RIPOR1: variants seen among roughly 807,000 people sequenced by gnomAD.
RIPOR1 encodes the protein rho family-interacting cell polarization regulator 1.
In RIPOR1, 58 loss-of-function variants were observed where a neutral mutation model predicts 116.5. The observed-to-expected ratio is 0.50, with a 90% CI of 0.40 to 0.62. RIPOR1 has a LOEUF of 0.62. Ranked by LOEUF, RIPOR1 falls within the 20% of genes least tolerant of loss-of-function variation. RIPOR1 has a pLI of 0.00. For missense variants in RIPOR1, 1,372 were observed against 1,586.2 expected (o/e 0.86, Z 2.29); for synonymous variants, 605 against 650.0 (o/e 0.93, Z 1.05).
upstream of RIPOR1, among the ~76,000 whole-genome samples, chr16:67,525,460 A>G (rs1379739110): frequency 6.6e-6 from 1 of 152,144 alleles, no homozygotes; most frequent in Non-Finnish European, 1.5e-5. Context: ...CTGTTCACAG[A>G]AAGCTGGGAT....
chr16:67,527,866 A>C (rs1288216086), upstream of RIPOR1, among the ~76,000 whole-genome samples: 1 of 151,650 alleles, frequency 6.6e-6, no homozygotes, highest in Non-Finnish European at 1.5e-5. Flanking sequence ...AAAAAAAAAA[A>C]AAAAACCCGA....
At chr16:67,533,357 T>G (rs1183890355) in intron 1 of RIPOR1, among the ~76,000 whole-genome samples, 3 of 151,892 alleles carry the variant, frequency 2.0e-5, no homozygotes, top group Non-Finnish European at 4.4e-5. Context: ...GCTGGCAACA[T>G]TTAGATGGCA....
intron 21 of RIPOR1, 23 bp downstream of exon 21, chr16:67,546,254 A>G (rs1415093831): frequency 1.2e-6 from 2 of 1,613,042 alleles, no homozygotes; most frequent in African/African-American, 2.7e-5. Context: ...GATGGAAGAG[A>G]TGGGTGGAGT....
At position 67,537,637 on chromosome 16, in the gene RIPOR1, C is replaced by A. The variant is rs1567566914; in HGVS notation, c.-23-787C>A. 1 of 1,324,504 alleles carries A rather than the reference C, an allele frequency of 7.5e-7. No homozygotes were observed. Among genetic ancestry groups the A allele is most frequent in the Non-Finnish European group, 9.8e-7 (1 of 1,019,446 alleles). The allele number at this position is 1,324,504 out of a possible 1,614,324, so 82.0% of individuals were successfully genotyped here. On this transcript the variant is annotated intron_variant, in intron 1 of 21. Coordinates refer to ENST00000042381, the MANE Select transcript of RIPOR1 (RefSeq NM_024519.4). The surrounding 1 kb of genome is among the most constrained non-coding windows in gnomAD (Gnocchi z 4.6). ...GGGGCTGCGAAAGCTCAGGGACTGGCCCCAGGGGAAGCAGGCCGGGTTTGG... is the reference window on the plus strand; with the variant it reads ...GGGGCTGCGAAAGCTCAGGGACTGGACCCAGGGGAAGCAGGCCGGGTTTGG...
chr16:67,527,704 A>C (rs545029482), upstream of RIPOR1, among the ~76,000 whole-genome samples: 1 of 152,076 alleles, frequency 6.6e-6, no homozygotes, highest in African/African-American at 2.4e-5. Flanking sequence ...GTGAAACCCC[A>C]TCTCTACCAA....
rs2051168297 is a variant in RIPOR1 at position 67,546,361 on chromosome 16, T to C, written c.3563-5T>C. The C allele has an allele frequency of 1.1e-5, 18 of 1,613,630 alleles. No homozygotes were observed. The highest frequency in any genetic ancestry group is 1.4e-5 in the Non-Finnish European group (17 of 1,179,824). The stretch of plus-strand genomic sequence containing the variant: ...CACCCTTGACCTCATCCTCACTCAT[T>C]ACAGGAGAAGAGGGACAGTCTGCCC... On this transcript the variant is annotated splice_polypyrimidine_tract_variant and splice_region_variant and intron_variant, in intron 21 of 21. Coordinates refer to ENST00000042381, the MANE Select transcript of RIPOR1 (RefSeq NM_024519.4).
Position 67,544,179 on chromosome 16 carries a change from G to C in RIPOR1, c.2601-120G>C. 1 of 1,318,020 alleles carries C rather than the reference G, an allele frequency of 7.6e-7. No homozygotes were observed. The highest frequency in any genetic ancestry group is 1.5e-5 in the South Asian group (1 of 68,380). The allele number at this position is 1,318,020 out of a possible 1,614,324, so 81.6% of individuals were successfully genotyped here. ...AAATCCTCCATGAACTTACCCCACT[G>C]TCTGCTGTCGGTGCATCATCTTCTT... On this transcript the variant is annotated intron_variant, in intron 14 of 21. Coordinates refer to ENST00000042381, the MANE Select transcript of RIPOR1 (RefSeq NM_024519.4). This position sits in a 1 kb window ranked among gnomAD's most constrained non-coding sequence, Gnocchi z 5.1.
At chr16:67,533,241 A>G (rs1014606746) in intron 1 of RIPOR1, among the ~76,000 whole-genome samples, 1 of 152,202 alleles carries the variant, frequency 6.6e-6, no homozygotes, top group African/African-American at 2.4e-5. Context: ...CAAACCCAGC[A>G]TGCACTATGA....
chr16:67,538,977 C>T lies in RIPOR1; in HGVS notation c.258-13C>T, dbSNP rs749456061. The T allele has an allele frequency of 1.1e-5, 18 of 1,613,744 alleles. No individual in the cohort carries two copies. The highest frequency in any genetic ancestry group is 3.3e-5 in the Admixed American group (2 of 59,878). ...AGAGCCGAGTTCATTCTTGTGGTCG[C>T]CCCTTTCCTCAGGGCCTACTTGGAA... is the stretch of plus-strand genomic sequence containing the variant. On this transcript the variant is annotated splice_polypyrimidine_tract_variant and intron_variant, in intron 3 of 21. Coordinates refer to ENST00000042381, the MANE Select transcript of RIPOR1 (RefSeq NM_024519.4).
intron 21 of RIPOR1, 39 bp from the exon 22 acceptor site, chr16:67,546,327 G>A (rs1475600766): frequency 6.2e-7 from 1 of 1,609,396 alleles, no homozygotes; most frequent in Admixed American, 1.7e-5. Flanking sequence ...AGTGGGATGG[G>A]GCTAGGGCCA....
In RIPOR1 at chr16:67,545,877, TC is replaced by T. The variant is rs2051149099; in HGVS notation, c.3387+20del. 6.2e-7 allele frequency: 1 copy of T among 1,609,824 alleles called. No homozygotes were observed. Among genetic ancestry groups the T allele is most frequent in the African/African-American group, 1.3e-5 (1 of 74,860 alleles). ...CGGGAGAGGGTGAGTTGGACAGGGC[TC>T]CCTTGAGGGCGAGGGCTGGGGTCCT... On this transcript the variant is annotated intron_variant, in intron 19 of 21. Transcript: ENST00000042381. The surrounding 1 kb of genome is among the most constrained non-coding windows in gnomAD (Gnocchi z 4.8).
chr16:67,546,086 TGAAACCCTC>T, intron 20 of RIPOR1, 46 bp from the exon 21 acceptor site: 1 of 917,766 alleles, frequency 1.1e-6, no homozygotes, highest in Non-Finnish European at 1.5e-6. Flanking sequence ...CCCCCACCCC[TGAAACCCTC>T]CCATCTGCTC....
chr16:67,541,357 T>C lies in RIPOR1; in HGVS notation c.802-73T>C. 4 of 1,529,274 alleles carry C rather than the reference T, an allele frequency of 2.6e-6. No homozygotes were observed. Among genetic ancestry groups the C allele is most frequent in the Non-Finnish European group, 3.5e-6 (4 of 1,129,212 alleles). The allele number at this position is 1,529,274 out of a possible 1,614,324, so 94.7% of individuals were successfully genotyped here. ...GACCATTTTATAAGTTCTATGCAAA[T>C]TCAGACCTCAGATTTCCCATGATCT... On this transcript the variant is annotated intron_variant, in intron 10 of 21. Coordinates refer to ENST00000042381, the MANE Select transcript of RIPOR1 (RefSeq NM_024519.4). This position sits in a 1 kb window ranked among gnomAD's most constrained non-coding sequence, Gnocchi z 4.6.
At position 67,531,622 on chromosome 16, in the gene RIPOR1, AC is replaced by A. The variant is rs2050662951; in HGVS notation, c.-24+2710del. 2 of 454,972 alleles carry A rather than the reference AC, an allele frequency of 4.4e-6. No individual in the cohort carries two copies. Among genetic ancestry groups the A allele is most frequent in the Non-Finnish European group, 8.8e-6 (2 of 226,286 alleles). The allele number at this position is 454,972 out of a possible 1,614,324, so 28.2% of individuals were successfully genotyped here. A position where few individuals can be genotyped will look rare whatever the true frequency, so the allele number is the denominator to read the frequency against. ...GGGGCTGCCGGTCAGATTCTGAAGA[AC>A]CTTGCAGGTATTGAGAGAGGGTCTC... On this transcript the variant is annotated intron_variant, in intron 1 of 21. Coordinates refer to ENST00000042381, the MANE Select transcript of RIPOR1 (RefSeq NM_024519.4). The surrounding 1 kb of genome is among the most constrained non-coding windows in gnomAD (Gnocchi z 4.2).
chr16:67,541,267 G>C lies in RIPOR1; in HGVS notation c.802-163G>C. The C allele has an allele frequency of 1.9e-6, 1 of 532,436 alleles. No homozygotes were observed. 33.0% of individuals were successfully genotyped at this position (532,436 alleles called of 1,614,324 possible). On this transcript the variant is annotated intron_variant, in intron 10 of 21. Transcript: ENST00000042381. The surrounding 1 kb of genome is among the most constrained non-coding windows in gnomAD (Gnocchi z 4.6). ...TTTTTTTTTTTTGAGACAGAGTCTT[G>C]CCATGTTGCCCAAGCTGGTCTTGAA...
chr16:67,526,456 G>A (rs34092510), upstream of RIPOR1, among the ~76,000 whole-genome samples: 582 of 152,314 alleles, frequency 3.8e-3, 6 homozygotes, highest in African/African-American at 0.014. Flanking sequence ...CATGGTAGGG[G>A]GAGGGAATTA....
At position 67,540,550 on chromosome 16, in the gene RIPOR1, A is replaced by G. The variant is rs1422073452; in HGVS notation, c.676-29A>G. 1 of 1,614,066 alleles carries G rather than the reference A, an allele frequency of 6.2e-7. No homozygotes were observed. Among genetic ancestry groups the G allele is most frequent in the Non-Finnish European group, 8.5e-7 (1 of 1,179,982 alleles). ...CTGGGTCGGTAGGGTCCCAACACCT[A>G]GGCTGCCTCATCCTACCTGTTCCCC... On this transcript the variant is annotated intron_variant, in intron 9 of 21. Transcript: ENST00000042381. This position sits in a 1 kb window ranked among gnomAD's most constrained non-coding sequence, Gnocchi z 4.7.
At chr16:67,520,503 G>T (rs973558086) in intron 1 of RIPOR1, among the ~76,000 whole-genome samples, 3 of 149,334 alleles carry the variant, frequency 2.0e-5, no homozygotes, top group Non-Finnish European at 3.0e-5. Flanking sequence ...CTGGAGAGAA[G>T]TATCAAGAAT....
Position 67,540,227 on chromosome 16 carries a change from G to A in RIPOR1, c.567+22G>A. 2 of 1,613,932 alleles carry A rather than the reference G, an allele frequency of 1.2e-6. No individual in the cohort carries two copies. The highest frequency in any genetic ancestry group is 1.7e-6 in the Non-Finnish European group (2 of 1,179,916). On this transcript the variant is annotated intron_variant, in intron 7 of 21. Transcript: ENST00000042381. The surrounding 1 kb of genome is among the most constrained non-coding windows in gnomAD (Gnocchi z 4.7). ...GGAGGTGAGGGATGGGGGCCCATGA[G>A]GCAGAGGCACAGGGTGTGGCAGGGC...
Sources: allele counts gnomAD v4.1 joint callset (sites outside exome capture counted in the v4.1 genomes callset), GRCh38; gene constraint gnomAD v4.1.1; non-coding constraint Gnocchi (gnomAD v3.1); transcripts MANE v1.5; gene names NCBI Gene and HGNC (gene_info 2026-07-23, HGNC 2026-07-21).